Variants in BRF1 observed in about 807,000 individuals in gnomAD.
BRF1 encodes BRF1 general transcription factor IIIB subunit, also known as transcription factor IIIB 90 kDa subunit.
A neutral mutation model predicts 81.7 loss-of-function variants in BRF1; 59 were observed. The observed-to-expected ratio is 0.72, with a 90% CI of 0.59 to 0.90. The LOEUF is 0.90. BRF1 is among the 40% of genes least tolerant of loss of function. The pLI is 0.00. For missense variants in BRF1, 1,050 were observed against 936.3 expected (o/e 1.12, Z -1.58); for synonymous variants, 491 against 395.6 (o/e 1.24, Z -2.86).
chr14:105,272,770 G>A lies in BRF1; in HGVS notation c.390C>T (p.His130=), dbSNP rs780538273. 1.6e-5 allele frequency: 26 copies of A among 1,613,830 alleles called. No homozygotes were observed. In the South Asian group the frequency reaches 1.9e-4, roughly 12 times the overall value. Residue 130 remains histidine, a synonymous_variant, in exon 3 of 18, where the codon CAC becomes CAT. Transcript: ENST00000547530. The part of the protein sequence containing the change: ...RHLTRGRKMA[H]VIAACLYLVC... ...CCAGGTAGAGGCAGGCAGCAATCACGTGGGCCATCTTCCGGCCGCGGGTCA... is the reference window on the plus strand; with the variant it reads ...CCAGGTAGAGGCAGGCAGCAATCACATGGGCCATCTTCCGGCCGCGGGTCA...
upstream of BRF1, among the ~76,000 whole-genome samples, chr14:105,303,777 G>A (rs1415864262): frequency 6.6e-6 from 1 of 152,136 alleles, no homozygotes; most frequent in Non-Finnish European, 1.5e-5. Flanking sequence ...AAATGTTGGG[G>A]ATTTTTCAAA....
chr14:105,294,148 C>A (rs1486635410), intron 1 of BRF1, among the ~76,000 whole-genome samples: 1 of 152,164 alleles, frequency 6.6e-6, no homozygotes, highest in Non-Finnish European at 1.5e-5. Flanking sequence ...GCAACAGATC[C>A]CCTCTCTCCT....
chr14:105,309,953 T>G lies in BRF1; in HGVS notation c.-162+5369A>C, dbSNP rs112219321. Among the ~76,000 whole-genome samples the G allele has an allele frequency of 6.6e-6, 1 of 151,594 alleles. No individual in the cohort carries two copies. The highest frequency in any genetic ancestry group is 2.4e-5 in the African/African-American group (1 of 41,304). ...GGCGCCCGCCACCACACCCGACTAA[T>G]TTTTGTATTTTTAGTAGAGACGGGG... On this transcript the variant is annotated intron_variant, in intron 1 of 17. Coordinates refer to the BRF1 transcript ENST00000327359. The surrounding 1 kb of genome is among the most constrained non-coding windows in gnomAD (Gnocchi z 4.0).
At chr14:105,248,910 GCGGACCTAGCCAACAGCAACGCC>G in intron 5 of BRF1, 1 of 987,414 alleles carries the variant, frequency 1.0e-6, no homozygotes, top group Non-Finnish European at 1.2e-6. Context: ...CGCCGCGGCC[GCGGACCTAGCCAACAGCAACGCC>G]GGCGCCGCCG....
At chr14:105,245,671 T>C (rs772522875) in intron 5 of BRF1, among the ~76,000 whole-genome samples, 1 of 152,186 alleles carries the variant, frequency 6.6e-6, no homozygotes, top group African/African-American at 2.4e-5. Flanking sequence ...TCTTGCACAA[T>C]GGGGAAAGGA....
chr14:105,220,063 A>ACGT lies in BRF1; in HGVS notation c.1377+3_1377+5dup, dbSNP rs1417587565. On this transcript the variant is annotated splice_donor_region_variant and intron_variant, in intron 12 of 17. Coordinates refer to ENST00000547530, the MANE Select transcript of BRF1 (RefSeq NM_001519.4). ...GCCCCTCTTGGGAAGGGGTGCTGCC[A>ACGT]CGTACCCTGTCAATCTCCAGGTCAT... 1.2e-6 allele frequency: 2 copies of ACGT among 1,612,234 alleles called. No homozygotes were observed. The highest frequency in any genetic ancestry group is 2.2e-5 in the South Asian group (2 of 91,092).
At chr14:105,277,619 C>G (rs760325027) in intron 2 of BRF1, among the ~76,000 whole-genome samples, 5 of 152,310 alleles carry the variant, frequency 3.3e-5, no homozygotes, top group Non-Finnish European at 5.9e-5. Flanking sequence ...CCATCTCCAG[C>G]TCAAACTTTC....
intron 6 of BRF1, 45 bp from the exon 7 acceptor site, chr14:105,228,958 A>C: frequency 6.3e-7 from 1 of 1,579,458 alleles, no homozygotes; most frequent in Non-Finnish European, 8.7e-7. Flanking sequence ...GCTGGGAACC[A>C]GGGCAACATC....
At chr14:105,259,315 A>C (rs994879600) in intron 3 of BRF1, among the ~76,000 whole-genome samples, 4 of 152,076 alleles carry the variant, frequency 2.6e-5, no homozygotes, top group African/African-American at 9.7e-5. Flanking sequence ...TATGGTGACA[A>C]ACACTTATTG....
In BRF1 at chr14:105,284,418, C is replaced by T. The variant is rs972710471; in HGVS notation, c.265+1878G>A. Reference sequence around the variant, plus strand: ...GCCAGCCTAGGTGTGTCGGTGCTGGCCACCCGTCGGCAGCAGCAGCCAGGA... The same window carrying T: ...GCCAGCCTAGGTGTGTCGGTGCTGGTCACCCGTCGGCAGCAGCAGCCAGGA... On this transcript the variant is annotated intron_variant, in intron 2 of 17. Transcript: ENST00000547530. This position sits in a 1 kb window ranked among gnomAD's most constrained non-coding sequence, Gnocchi z 4.0. 6.6e-5 allele frequency among the ~76,000 whole-genome samples: 10 copies of T among 152,262 alleles called. No individual in the cohort carries two copies. Among genetic ancestry groups the T allele is most frequent in the East Asian group, 5.8e-4 (3 of 5,184 alleles).
At chr14:105,289,699 G>A (rs111495427) in intron 1 of BRF1, among the ~76,000 whole-genome samples, 8 of 152,174 alleles carry the variant, frequency 5.3e-5, no homozygotes, top group African/African-American at 1.4e-4. Flanking sequence ...GTAGTGGTGC[G>A]ATCTCGGCTC....
intron 5 of BRF1, chr14:105,242,069 G>A (rs949237982): frequency 1.3e-5 from 2 of 152,552 alleles, no homozygotes; most frequent in African/African-American, 4.8e-5. Context: ...TGACTCCACA[G>A]GGCCCTGCTG....
At chr14:105,283,332 G>A (rs994532803) in intron 2 of BRF1, among the ~76,000 whole-genome samples, 11 of 152,216 alleles carry the variant, frequency 7.2e-5, no homozygotes, top group African/African-American at 2.7e-4. Context: ...TGAGTGGGCA[G>A]CAGGGCATGG....
chr14:105,263,421 C>T (rs1036695369), intron 3 of BRF1, among the ~76,000 whole-genome samples: 6 of 152,032 alleles, frequency 3.9e-5, no homozygotes, highest in Non-Finnish European at 7.4e-5. Flanking sequence ...CGGCAGCTGC[C>T]GCCCCTGGAG....
chr14:105,281,096 C>G (rs1195149290), intron 2 of BRF1, among the ~76,000 whole-genome samples: 19 of 144,896 alleles, frequency 1.3e-4, no homozygotes, highest in Non-Finnish European at 2.6e-4. Context: ...TGACCCTGAG[C>G]CCAGGTGTGT....
chr14:105,241,111 C>T (rs1197058802), intron 6 of BRF1, among the ~76,000 whole-genome samples, 154 bp downstream of exon 6: 1 of 152,228 alleles, frequency 6.6e-6, no homozygotes, highest in Non-Finnish European at 1.5e-5. Context: ...GGCTGAGGAC[C>T]CCGGTGGGCC....
chr14:105,287,403 C>T (rs1474455472), intron 1 of BRF1, among the ~76,000 whole-genome samples: 2 of 152,150 alleles, frequency 1.3e-5, no homozygotes, highest in African/African-American at 2.4e-5. Context: ...ATGGGGAGAG[C>T]TGGAAAGTGC....
Position 105,209,874 on chromosome 14 carries a change from G to C in BRF1, c.*677C>G, listed in dbSNP as rs1889878672. On this transcript the variant is annotated 3_prime_UTR_variant, in exon 18 of 18. Transcript: ENST00000547530. ...TCAAGTGGCCCTGGAGCAGGGGTCT[G>C]ACCCCCATGCTGCTCCAGGCGGTGC... 1 of 463,788 alleles carries C rather than the reference G, an allele frequency of 2.2e-6. No individual in the cohort carries two copies. Among genetic ancestry groups the C allele is most frequent in the Non-Finnish European group, 3.8e-6 (1 of 264,404 alleles). The allele number at this position is 463,788 out of a possible 1,614,324, so 28.7% of individuals were successfully genotyped here.
intron 11 of BRF1, among the ~76,000 whole-genome samples, chr14:105,220,345 T>C (rs1892080943): frequency 6.6e-6 from 1 of 152,198 alleles, no homozygotes. Context: ...AGCAGAACAC[T>C]GAACTGAAGC....
Sources: allele counts gnomAD v4.1 joint callset (sites outside exome capture counted in the v4.1 genomes callset), GRCh38; gene constraint gnomAD v4.1.1; non-coding constraint Gnocchi (gnomAD v3.1); transcripts MANE v1.5; gene names NCBI Gene and HGNC (gene_info 2026-07-23, HGNC 2026-07-21).